MICAL2: variants seen among roughly 807,000 people sequenced by gnomAD.
MICAL2 encodes [F-actin]-monooxygenase MICAL2.
Under a neutral mutation model 127.3 loss-of-function variants are expected in MICAL2, and 77 were observed. The observed-to-expected ratio is 0.60, with a 90% CI of 0.50 to 0.73. The LOEUF is 0.73. Among genes scored for constraint, MICAL2 ranks in the 30% least tolerant of loss-of-function variants. The probability of loss-of-function intolerance (pLI) is 0.00; values close to 1 mark genes in which losing one functional copy is unlikely to be tolerated. For missense variants in MICAL2, 1,351 were observed against 1,434.4 expected (o/e 0.94, Z 0.94); for synonymous variants, 570 against 551.1 (o/e 1.03, Z -0.48).
intron 3 of MICAL2, among the ~76,000 whole-genome samples, chr11:12,174,197 A>G (rs1233028557): frequency 6.6e-6 from 1 of 152,238 alleles, no homozygotes; most frequent in Non-Finnish European, 1.5e-5. Flanking sequence ...GGTAAAATAT[A>G]CATAACATAA....
intron 15 of MICAL2, among the ~76,000 whole-genome samples, chr11:12,233,151 A>ACGTT (rs1858532907): frequency 6.6e-6 from 1 of 152,214 alleles, no homozygotes. Flanking sequence ...ACTGTCTAGC[A>ACGTT]CGTTATAGTT....
At chr11:12,323,988 C>T in exon 31 of MICAL2, 1 of 1,607,870 alleles carries the variant, frequency 6.2e-7, no homozygotes, top group Non-Finnish European at 8.5e-7. Context: ...GAGAAGAAGA[C>T]ACTTAGAAGA....
chr11:12,224,111 A>AAAATGCTG (rs1207227448), intron 12 of MICAL2, among the ~76,000 whole-genome samples: 1 of 152,074 alleles, frequency 6.6e-6, no homozygotes, highest in Non-Finnish European at 1.5e-5. Context: ...ACCACTTACC[A>AAAATGCTG]TAATCAACCA....
At chr11:12,292,046 T>C (rs1863909972), downstream of MICAL2, 3 of 1,418,682 alleles carry the variant, frequency 2.1e-6, no homozygotes, top group South Asian at 1.4e-5. Context: ...TTCCTCTTTC[T>C]GACTGTTTAT....
intron 3 of MICAL2, among the ~76,000 whole-genome samples, chr11:12,185,002 T>G (rs1857972880): frequency 6.7e-6 from 1 of 148,766 alleles, no homozygotes; most frequent in Non-Finnish European, 1.5e-5. Context: ...CCATCTGCCC[T>G]CTCCAAGATT....
rs1008493355 is a variant in MICAL2, at chr11:12,220,240, G to A, written c.988G>A (p.Val330Met). The A allele has an allele frequency of 1.1e-5, 17 of 1,614,218 alleles. No homozygotes were observed. Among genetic ancestry groups the A allele is most frequent in the East Asian group, 4.5e-5 (2 of 44,886 alleles). The change falls in exon 9 of 28, where the codon GTG becomes ATG. Residue 330 changes from valine to methionine, a missense_variant. Val to Met is a conservative substitution (Grantham distance 21, BLOSUM62 1). Around this residue, in one of 2 missense-constraint regions of MICAL2, gnomAD observed 599 missense variants for 714.9 expected, o/e 0.84. Coordinates refer to ENST00000683283, the MANE Select transcript of MICAL2 (RefSeq NM_001282663.2). ...AGAGATGCTGCTGTGTGCGGAGAAC[G>A]TGAACCAAGACAACCTGCTATCCTA... The part of the protein sequence containing the change: ...DTEMLLCAEN[V>M]NQDNLLSYAR...
chr11:12,205,188 G>C (rs1360675299), intron 4 of MICAL2, among the ~76,000 whole-genome samples: 1 of 152,188 alleles, frequency 6.6e-6, no homozygotes, highest in Non-Finnish European at 1.5e-5. Flanking sequence ...GACGAGTGCT[G>C]AGGCCCTTCT....
At chr11:12,112,741 A>G (rs539624989) in intron 1 of MICAL2, among the ~76,000 whole-genome samples, 51 of 151,508 alleles carry the variant, frequency 3.4e-4, no homozygotes, top group Non-Finnish European at 5.9e-4. Flanking sequence ...TTCATGACTT[A>G]TTTTCATGAT....
intron 1 of MICAL2, among the ~76,000 whole-genome samples, chr11:12,137,179 G>A (rs1329145070): frequency 1.3e-5 from 2 of 152,250 alleles, no homozygotes; most frequent in African/African-American, 2.4e-5. Context: ...CACAAGCCCC[G>A]AGGGGTGTGG....
chr11:12,269,635 G>A (rs1029076656), intron 24 of MICAL2, among the ~76,000 whole-genome samples: 5 of 152,184 alleles, frequency 3.3e-5, no homozygotes, highest in East Asian at 1.9e-4. Flanking sequence ...TGAGGGCTTC[G>A]TGGGAGGAGC....
intron 15 of MICAL2, among the ~76,000 whole-genome samples, chr11:12,235,792 C>T (rs1858968274): frequency 2.0e-5 from 3 of 152,172 alleles, no homozygotes; most frequent in Admixed American, 1.3e-4. Flanking sequence ...CTGGCTGTGG[C>T]CTTGGGCAAA....
chr11:12,264,988 A>G (rs1486337623), downstream of MICAL2, among the ~76,000 whole-genome samples: 1 of 152,174 alleles, frequency 6.6e-6, no homozygotes, highest in African/African-American at 2.4e-5. Flanking sequence ...CAACTCTGTG[A>G]TATTTCCTGA....
intron 2 of MICAL2, among the ~76,000 whole-genome samples, chr11:12,140,102 A>G (rs1459528769): frequency 1.3e-5 from 2 of 152,260 alleles, no homozygotes; most frequent in East Asian, 1.9e-4. Context: ...CCCAAATTAC[A>G]GAGAATGTGA....
rs749005781 is a variant in MICAL2, at chr11:12,236,200, T to C, written c.2019T>C (p.Asn673=). 2.5e-6 allele frequency: 4 copies of C among 1,614,122 alleles called. No individual in the cohort carries two copies. Among genetic ancestry groups the C allele is most frequent in the African/African-American group, 1.3e-5 (1 of 75,022 alleles). ...TPRVDGQTGE[N]DMNKRRRKGF... is the part of the protein sequence containing the mutation. ...AGGTGGATGGTCAAACCGGAGAGAA[T>C]GACATGAACAAACGGAGACGGAAGG... The change falls in exon 16 of 28, where the codon AAT becomes AAC. Residue 673 remains asparagine (N), a synonymous_variant. Coordinates refer to ENST00000683283, the MANE Select transcript of MICAL2 (RefSeq NM_001282663.2).
chr11:12,257,018 G>C (rs1862423998), intron 24 of MICAL2, 47 bp downstream of exon 24: 1 of 1,546,936 alleles, frequency 6.5e-7, no homozygotes, highest in Non-Finnish European at 8.7e-7. Context: ...CTTGGCCTCA[G>C]GTGTGACCTT....
upstream of MICAL2, among the ~76,000 whole-genome samples, chr11:12,271,592 C>G (rs115867238): frequency 5.7e-3 from 871 of 152,250 alleles, 13 homozygotes; most frequent in African/African-American, 0.02. Context: ...TGTTGGGATG[C>G]TAGGGTGGAT....
chr11:12,352,445 C>A (rs1296392487), intron 33 of MICAL2, among the ~76,000 whole-genome samples: 3 of 152,208 alleles, frequency 2.0e-5, no homozygotes, highest in Admixed American at 2.0e-4. Context: ...GCCTGAGAGT[C>A]AGGGAGGCAC....
chr11:12,262,617 A>C, intron 27 of MICAL2, 80 bp downstream of exon 27: 1 of 1,204,138 alleles, frequency 8.3e-7, no homozygotes, highest in Non-Finnish European at 1.2e-6. Context: ...CTCCGCCAGC[A>C]GTACTGGTTG....
downstream of MICAL2, among the ~76,000 whole-genome samples, chr11:12,291,213 A>G (rs1263647502): frequency 1.3e-5 from 2 of 152,166 alleles, no homozygotes; most frequent in African/African-American, 2.4e-5. Flanking sequence ...GAAAAAGAGC[A>G]TGGCATTTTA....
Sources: allele counts gnomAD v4.1 joint callset (sites outside exome capture counted in the v4.1 genomes callset), GRCh38; gene constraint gnomAD v4.1.1; regional missense constraint gnomAD v4.1.1; transcripts MANE v1.5; gene names NCBI Gene and HGNC (gene_info 2026-07-23, HGNC 2026-07-21).